Variants in HPSE2 observed in about 807,000 individuals in gnomAD.
HPSE2 encodes inactive heparanase-2.
Under a neutral mutation model 60.5 loss-of-function variants are expected in HPSE2, and 38 were observed. The ratio of observed to expected loss-of-function variants is 0.63; its 90% CI spans 0.48 to 0.82. The LOEUF (loss-of-function observed/expected upper bound fraction) is 0.82. HPSE2 is among the 40% of genes least tolerant of loss of function. The pLI is 0.00. For missense variants in HPSE2, 713 were observed against 740.4 expected (o/e 0.96, Z 0.43); for synonymous variants, 295 against 293.2 (o/e 1.01, Z -0.06).
intron 5 of HPSE2, among the ~76,000 whole-genome samples, chr10:98,696,886 G>A (rs1406068636): frequency 1.3e-5 from 2 of 152,108 alleles, no homozygotes; most frequent in Non-Finnish European, 1.5e-5. Context: ...CCAGTGAACC[G>A]CAGCAGCCCT....
At chr10:99,182,346 A>G (rs1468493313) in intron 2 of HPSE2, among the ~76,000 whole-genome samples, 2 of 152,136 alleles carry the variant, frequency 1.3e-5, no homozygotes, top group Non-Finnish European at 2.9e-5. Flanking sequence ...AAAAAAGTCA[A>G]ATAACTTAGC....
intron 7 of HPSE2, among the ~76,000 whole-genome samples, chr10:98,635,216 T>C (rs1212355535): frequency 6.6e-6 from 1 of 152,192 alleles, no homozygotes; most frequent in East Asian, 1.9e-4. Context: ...GAATGACTAC[T>C]ATAAAGAAGA....
At chr10:98,612,592 CA>C (rs1414314050) in intron 9 of HPSE2, among the ~76,000 whole-genome samples, 1 of 151,238 alleles carries the variant, frequency 6.6e-6, no homozygotes, top group Non-Finnish European at 1.5e-5. Flanking sequence ...AGTACATGAT[CA>C]AGAAGAGTGA....
intron 9 of HPSE2, among the ~76,000 whole-genome samples, chr10:98,563,353 C>A (rs1944246546): frequency 6.6e-6 from 1 of 152,006 alleles, no homozygotes; most frequent in South Asian, 2.1e-4. Flanking sequence ...TAAGAAATGT[C>A]CAGAATAGGT....
intron 3 of HPSE2, among the ~76,000 whole-genome samples, chr10:98,830,678 G>A (rs772815978): frequency 2.1e-4 from 32 of 152,108 alleles, no homozygotes; most frequent in Non-Finnish European, 5.9e-5. Context: ...CTTTAACCAA[G>A]AAATTTAAAG....
intron 5 of HPSE2, among the ~76,000 whole-genome samples, chr10:98,721,358 C>T (rs1948918164): frequency 6.6e-6 from 1 of 151,898 alleles, no homozygotes; most frequent in Non-Finnish European, 1.5e-5. Flanking sequence ...TAAAATGATG[C>T]TATAAGATGC....
intron 2 of HPSE2, among the ~76,000 whole-genome samples, chr10:99,164,817 G>A (rs1847003159): frequency 6.6e-6 from 1 of 152,162 alleles, no homozygotes. Flanking sequence ...GAGGTCAGGT[G>A]GCTCACGCCT....
At chr10:98,774,549 C>T (rs1463765874) in intron 3 of HPSE2, among the ~76,000 whole-genome samples, 1 of 152,120 alleles carries the variant, frequency 6.6e-6, no homozygotes, top group Non-Finnish European at 1.5e-5. Flanking sequence ...CAAGGGGTTC[C>T]TATTCATCCC....
chr10:98,502,804 C>T (rs755570588), intron 9 of HPSE2, among the ~76,000 whole-genome samples: 2 of 152,092 alleles, frequency 1.3e-5, no homozygotes, highest in Non-Finnish European at 2.9e-5. Flanking sequence ...GAATCTACAA[C>T]GAACTCAAAC....
At chr10:99,064,470 A>G (rs1218401774) in intron 3 of HPSE2, among the ~76,000 whole-genome samples, 1 of 152,048 alleles carries the variant, frequency 6.6e-6, no homozygotes, top group Non-Finnish European at 1.5e-5. Flanking sequence ...CAAACTAATA[A>G]AAGACTTGGC....
chr10:99,259,958 C>T, the HPSE2 span, among the ~76,000 whole-genome samples: 1 of 152,196 alleles, frequency 6.6e-6, no homozygotes, highest in African/African-American at 2.4e-5. Context: ...CATCCCCACC[C>T]TCAACCCTTC....
At chr10:99,170,031 CA>C (rs1459723153) in intron 2 of HPSE2, among the ~76,000 whole-genome samples, 1 of 152,114 alleles carries the variant, frequency 6.6e-6, no homozygotes, top group Non-Finnish European at 1.5e-5. Flanking sequence ...TAAAACTATA[CA>C]AAAACAGGTG....
intron 3 of HPSE2, among the ~76,000 whole-genome samples, chr10:98,797,968 A>C (rs1214605865): frequency 1.3e-5 from 2 of 152,210 alleles, no homozygotes; most frequent in Admixed American, 1.3e-4. Flanking sequence ...CAAGTACAAG[A>C]AGGTTATTGA....
chr10:98,943,245 A>G (rs1157383958), intron 3 of HPSE2, among the ~76,000 whole-genome samples: 1 of 151,680 alleles, frequency 6.6e-6, no homozygotes, highest in Non-Finnish European at 1.5e-5. Flanking sequence ...AATACAATAA[A>G]AAATTATAAT....
rs148472669 is a variant in HPSE2, at chr10:98,726,863, C to T, written c.785-5035G>A. On this transcript the variant is annotated intron_variant, in intron 4 of 11. Transcript: ENST00000370552. ...AAACCTAGGACACTTATAAAGGAAA[C>T]ATCAGAAGCCATGACTGAGAGTAAA... Among the ~76,000 whole-genome samples, 333 of 151,876 alleles carry T rather than the reference C, an allele frequency of 2.2e-3. 1 individual carries two copies. Among genetic ancestry groups the T allele is most frequent in the African/African-American group, 7.6e-3 (314 of 41,414 alleles).
At chr10:98,516,190 TG>T (rs1233441674) in intron 9 of HPSE2, among the ~76,000 whole-genome samples, 1 of 152,246 alleles carries the variant, frequency 6.6e-6, no homozygotes, top group Non-Finnish European at 1.5e-5. Context: ...ATTATCTCAT[TG>T]AATTCAGGAA....
At chr10:98,801,677 T>C (rs1725190633) in intron 3 of HPSE2, among the ~76,000 whole-genome samples, 1 of 151,800 alleles carries the variant, frequency 6.6e-6, no homozygotes, top group Non-Finnish European at 1.5e-5. Context: ...AAAACACTGA[T>C]GAAAAAAATG....
At chr10:98,995,018 G>C (rs185298793) in intron 3 of HPSE2, among the ~76,000 whole-genome samples, 4 of 152,144 alleles carry the variant, frequency 2.6e-5, no homozygotes, top group Admixed American at 2.0e-4. Flanking sequence ...ATTCCTGGGG[G>C]TTTCTCTATC....
At chr10:98,595,263 G>A (rs923007453) in intron 9 of HPSE2, among the ~76,000 whole-genome samples, 8 of 148,002 alleles carry the variant, frequency 5.4e-5, no homozygotes, top group African/African-American at 1.3e-4. Flanking sequence ...TCCGCCTCCC[G>A]GGTTCACGCC....
Sources: allele counts gnomAD v4.1 joint callset (sites outside exome capture counted in the v4.1 genomes callset), GRCh38; gene constraint gnomAD v4.1.1; transcripts MANE v1.5; gene names NCBI Gene and HGNC (gene_info 2026-07-23, HGNC 2026-07-21).